The following ITGA4 variants were observed in gnomAD, a reference collection of about 807,000 sequenced individuals.
The protein encoded by ITGA4 is integrin subunit alpha 4.
Under a neutral mutation model 133.6 loss-of-function variants are expected in ITGA4, and 63 were observed. The ratio of observed to expected loss-of-function variants is 0.47; its 90% CI spans 0.38 to 0.58. ITGA4 has a LOEUF of 0.58. ITGA4 is among the 20% of genes least tolerant of loss of function. ITGA4 has a pLI of 0.00. For synonymous variants in ITGA4, 483 were observed against 438.0 expected (o/e 1.10, Z -1.28); for missense variants, 1,076 against 1,252.7 (o/e 0.86, Z 2.13).
chr2:181,513,539 T>C (rs1360703590), intron 17 of ITGA4, among the ~76,000 whole-genome samples: 1 of 152,136 alleles, frequency 6.6e-6, no homozygotes, highest in Non-Finnish European at 1.5e-5. Flanking sequence ...AGGCACTCAC[T>C]ATCCTACCTA....
intron 23 of ITGA4, 81 bp from the exon 24 acceptor site, chr2:181,530,442 TG>T: frequency 7.5e-7 from 1 of 1,327,974 alleles, no homozygotes; most frequent in Non-Finnish European, 1.0e-6. Context: ...GATAAGCTAC[TG>T]GAACTTTTAA....
In ITGA4 at chr2:181,490,655, C is replaced by T. The variant is rs1686033420; in HGVS notation, c.1154-2670C>T. ...GGAATAGCACAGGATCTGGACCAGGCTGCAGGGTTTAAATCCCAGGTCCAC... is the reference window on the plus strand; with the variant it reads ...GGAATAGCACAGGATCTGGACCAGGTTGCAGGGTTTAAATCCCAGGTCCAC... On this transcript the variant is annotated intron_variant, in intron 10 of 27. Transcript: ENST00000397033. Among the ~76,000 whole-genome samples, 4 of 152,188 alleles carry T rather than the reference C, an allele frequency of 2.6e-5. No homozygotes were observed. The South Asian group carries it at 8.3e-4, about 32-fold the overall frequency.
chr2:181,513,713 A>T (rs575161475), intron 17 of ITGA4, among the ~76,000 whole-genome samples: 1 of 152,254 alleles, frequency 6.6e-6, no homozygotes, highest in South Asian at 2.1e-4. Context: ...CAATGGCTGA[A>T]TACTTATGGT....
Position 181,495,399 on chromosome 2 carries a change from T to C in ITGA4, c.1368T>C (p.Asp456=). The change falls in exon 13 of 28, where the codon GAT becomes GAC. Residue 456 remains aspartate (D), a synonymous_variant. Transcript: ENST00000397033. This position sits in a 1 kb window ranked among gnomAD's most constrained non-coding sequence, Gnocchi z 4.3. Reference sequence around the variant, plus strand: ...TAGCAGTTGGTGCTTTTCGGTCTGATTCTGCTGTCTTGCTAAGGTAAGACT... The same window carrying C: ...TAGCAGTTGGTGCTTTTCGGTCTGACTCTGCTGTCTTGCTAAGGTAAGACT... ...VDVAVGAFRS[D]SAVLLRTRPV... The C allele has an allele frequency of 6.2e-7, 1 of 1,611,020 alleles. No homozygotes were observed. The highest frequency in any genetic ancestry group is 1.7e-4 in the Middle Eastern group (1 of 6,050).
chr2:181,496,009 G>C, intron 14 of ITGA4, 72 bp downstream of exon 14: 1 of 1,479,064 alleles, frequency 6.8e-7, no homozygotes, highest in Non-Finnish European at 9.3e-7. Flanking sequence ...CCTGCTTGGA[G>C]CCCTCACCGG....
chr2:181,462,127 A>G (rs1206769964), intron 2 of ITGA4, among the ~76,000 whole-genome samples: 8 of 152,208 alleles, frequency 5.3e-5, no homozygotes, highest in Non-Finnish European at 1.0e-4. Flanking sequence ...AGAAACATTA[A>G]GTTCTCTGTG....
chr2:181,527,087 C>T (rs1201953717), intron 21 of ITGA4, among the ~76,000 whole-genome samples: 1 of 151,754 alleles, frequency 6.6e-6, no homozygotes, highest in East Asian at 1.9e-4. Flanking sequence ...GCGCCCTCCT[C>T]GGCCTCCCAA....
At chr2:181,524,910 G>T (rs1340243471) in intron 20 of ITGA4, among the ~76,000 whole-genome samples, 1 of 149,932 alleles carries the variant, frequency 6.7e-6, no homozygotes, top group Admixed American at 6.7e-5. Context: ...GTACCACCTA[G>T]AACATAAATG....
chr2:181,496,052 G>C, intron 14 of ITGA4, 115 bp downstream of exon 14: 1 of 1,040,146 alleles, frequency 9.6e-7, no homozygotes, highest in Non-Finnish European at 1.4e-6. Flanking sequence ...TAGAGCGGGG[G>C]AGAGAAGCTA....
chr2:181,535,569 TGTA>T lies in ITGA4; in HGVS notation c.*46_*48del, dbSNP rs764368941. On this transcript the variant is annotated 3_prime_UTR_variant, in exon 28 of 28. Coordinates refer to ENST00000397033, the MANE Select transcript of ITGA4 (RefSeq NM_000885.6). ...GAGAGAATGGAAAACAGACTCAGGT[TGTA>T]GTAAAGAAATTTAAAAGACACTGTT... The T allele has an allele frequency of 6.5e-7, 1 of 1,546,392 alleles. No homozygotes were observed. Among genetic ancestry groups the T allele is most frequent in the African/African-American group, 1.4e-5 (1 of 72,050 alleles).
chr2:181,528,912 T>C (rs899552717), intron 22 of ITGA4, among the ~76,000 whole-genome samples: 18 of 152,220 alleles, frequency 1.2e-4, no homozygotes, highest in African/African-American at 4.1e-4. Context: ...TTTTGACAAG[T>C]ATTGTTAAAA....
At chr2:181,502,026 C>T (rs1036925867) in intron 15 of ITGA4, among the ~76,000 whole-genome samples, 2 of 151,830 alleles carry the variant, frequency 1.3e-5, no homozygotes, top group African/African-American at 4.8e-5. Flanking sequence ...AAGAGGCCCA[C>T]AGAGGAGATA....
rs868324364 is a variant in ITGA4, at chr2:181,523,515, G to T, written c.2152G>T (p.Val718Leu). The change falls in exon 19 of 28, where the codon GTA (valine) becomes TTA (leucine). Residue 718 changes from valine (V) to leucine (L), a missense_variant. Transcript: ENST00000397033. The surrounding 1 kb of genome is among the most constrained non-coding windows in gnomAD (Gnocchi z 4.2). ...QLDCSIGYIY[V>L]DHLSRIDISF... ...TGACTGCAGTATTGGCTATATATAT[G>T]TAGATCATCTCTCAAGGGTAAGTGT... The T allele has an allele frequency of 1.3e-6, 2 of 1,578,592 alleles. No individual in the cohort carries two copies. Among genetic ancestry groups the T allele is most frequent in the South Asian group, 1.1e-5 (1 of 90,248 alleles).
Position 181,458,189 on chromosome 2 carries a change from G to T in ITGA4, c.198-7G>T. On this transcript the variant is annotated splice_polypyrimidine_tract_variant and splice_region_variant and intron_variant, in intron 1 of 27. Coordinates refer to ENST00000397033, the MANE Select transcript of ITGA4 (RefSeq NM_000885.6). ...GTCTGAGCGCACGTGCACGTGTCTC[G>T]CTTTAGGCTCCTAGTGGGTGCGCCC... 1 of 1,614,034 alleles carries T rather than the reference G, an allele frequency of 6.2e-7. No homozygotes were observed. The highest frequency in any genetic ancestry group is 8.5e-7 in the Non-Finnish European group (1 of 1,179,978).
intron 15 of ITGA4, among the ~76,000 whole-genome samples, chr2:181,509,135 TAAAAAAAAAAAAAAAAA>T (rs57180154): frequency 0.16 from 7,373 of 44,728 alleles, 898 homozygotes; most frequent in Middle Eastern, 0.25. Flanking sequence ...TCCCATCTCT[TAAAAAAAAAAAAAAAAA>T]AAAAAAAAAA....
chr2:181,527,438 C>T, intron 22 of ITGA4, 51 bp downstream of exon 22: 1 of 1,204,826 alleles, frequency 8.3e-7, no homozygotes, highest in Middle Eastern at 1.9e-4. Context: ...AAGGATGTCA[C>T]TGATGCATTG....
rs752834698 is a variant in ITGA4, at chr2:181,475,192, A to G, written c.460A>G (p.Ile154Val). ...GCATAGATGGAAAAATATATTTTAC[A>G]TAAAGAATGAAAATAAGCTCCCCAC... Reference protein sequence around the residue: ...CGHRWKNIFYIKNENKLPTGG... With the variant: ...CGHRWKNIFYVKNENKLPTGG... The change falls in exon 4 of 28, where the codon ATA becomes GTA. Residue 154 changes from isoleucine (I) to valine (V), a missense_variant. Ile to Val is a conservative substitution (Grantham distance 29, BLOSUM62 3). Around this residue, in one of 4 missense-constraint regions of ITGA4, gnomAD observed 436 missense variants for 590.7 expected, o/e 0.74. Coordinates refer to ENST00000397033, the MANE Select transcript of ITGA4 (RefSeq NM_000885.6). 10 of 1,613,036 alleles carry G rather than the reference A, an allele frequency of 6.2e-6. No homozygotes were observed. The highest frequency in any genetic ancestry group is 2.2e-5 in the South Asian group (2 of 91,038).
At chr2:181,518,826 A>C (rs539633246) in intron 17 of ITGA4, among the ~76,000 whole-genome samples, 1 of 152,126 alleles carries the variant, frequency 6.6e-6, no homozygotes, top group African/African-American at 2.4e-5. Context: ...TTATTAATTA[A>C]AAATAGTGCC....
intron 2 of ITGA4, among the ~76,000 whole-genome samples, chr2:181,461,727 G>A (rs572847300): frequency 1.3e-5 from 2 of 152,138 alleles, no homozygotes; most frequent in South Asian, 4.1e-4. Flanking sequence ...TCATTACTTT[G>A]GAGTTACCAC....
Sources: allele counts gnomAD v4.1 joint callset (sites outside exome capture counted in the v4.1 genomes callset), GRCh38; gene constraint gnomAD v4.1.1; regional missense constraint gnomAD v4.1.1; non-coding constraint Gnocchi (gnomAD v3.1); transcripts MANE v1.5; gene names NCBI Gene and HGNC (gene_info 2026-07-23, HGNC 2026-07-21).